CACNB2: variants seen among roughly 807,000 people sequenced by gnomAD.
CACNB2 encodes the protein voltage-dependent L-type calcium channel subunit beta-2.
A neutral mutation model predicts 73.3 loss-of-function variants in CACNB2; 42 were observed. The observed-to-expected ratio is 0.57, with a 90% confidence interval of 0.45 to 0.74. The LOEUF (loss-of-function observed/expected upper bound fraction) is 0.74, where lower values mean the gene tolerates loss of function less well. CACNB2 is among the 30% of genes least tolerant of loss of function. The probability of loss-of-function intolerance (pLI) is 0.00; values close to 1 mark genes in which losing one functional copy is unlikely to be tolerated. For missense variants in CACNB2, 940 were observed against 853.0 expected (o/e 1.10, Z -1.27); for synonymous variants, 348 against 310.3 (o/e 1.12, Z -1.28).
At chr10:18,525,595 A>G (rs572404440) in intron 9 of CACNB2, among the ~76,000 whole-genome samples, 47 of 152,090 alleles carry the variant, frequency 3.1e-4, no homozygotes, top group African/African-American at 2.7e-4. Flanking sequence ...GTGTTATGAA[A>G]TTCATAAAAA....
At chr10:18,456,165 C>A (rs1207557245) in intron 3 of CACNB2, among the ~76,000 whole-genome samples, 2 of 152,134 alleles carry the variant, frequency 1.3e-5, no homozygotes, top group Non-Finnish European at 2.9e-5. Context: ...ATGCCTCTCC[C>A]TTAAGAAACT....
At chr10:18,496,728 C>T (rs913413004) in intron 3 of CACNB2, among the ~76,000 whole-genome samples, 4 of 144,008 alleles carry the variant, frequency 2.8e-5, no homozygotes, top group South Asian at 2.2e-4. Flanking sequence ...GCAGGAGAAC[C>T]GCTTGAATGC....
chr10:18,443,217 G>T (rs377309990), intron 3 of CACNB2, among the ~76,000 whole-genome samples: 1 of 151,754 alleles, frequency 6.6e-6, no homozygotes, highest in African/African-American at 2.4e-5. Context: ...GCTGACGGGT[G>T]CTACACAGAC....
intron 2 of CACNB2, among the ~76,000 whole-genome samples, chr10:18,221,914 T>C (rs892185040): frequency 1.3e-5 from 2 of 152,204 alleles, no homozygotes; most frequent in Non-Finnish European, 2.9e-5. Context: ...ATTGGCCCAA[T>C]TGGTATTGAG....
At chr10:18,190,793 C>A (rs147486436) in intron 2 of CACNB2, among the ~76,000 whole-genome samples, 1 of 152,188 alleles carries the variant, frequency 6.6e-6, no homozygotes, top group East Asian at 1.9e-4. Flanking sequence ...TTTCAAGCAG[C>A]ATGAAGAGTT....
chr10:18,297,859 C>T lies in CACNB2; in HGVS notation c.214-104065C>T, dbSNP rs181619358. 2.9e-3 allele frequency among the ~76,000 whole-genome samples: 441 copies of T among 152,264 alleles called. 2 individuals carry two copies. Among genetic ancestry groups the T allele is most frequent in the African/African-American group, 0.01 (421 of 41,556 alleles). ...TCCACAGAAGTGCTTCACCCTGCAG[C>T]GCAAATGTGCTTCCTCCTGGGTTGG... On this transcript the variant is annotated intron_variant, in intron 2 of 13. Transcript: ENST00000324631.
intron 2 of CACNB2, among the ~76,000 whole-genome samples, chr10:18,371,997 T>C (rs2042605609): frequency 6.6e-6 from 1 of 152,364 alleles, no homozygotes; most frequent in African/African-American, 2.4e-5. Context: ...TGCATAAATG[T>C]CTTCTTTTGA....
chr10:18,224,911 T>C (rs1443703814), intron 2 of CACNB2, among the ~76,000 whole-genome samples: 4 of 152,220 alleles, frequency 2.6e-5, no homozygotes, highest in African/African-American at 9.6e-5. Flanking sequence ...GGCACATTCA[T>C]CTATACCTCA....
intron 3 of CACNB2, among the ~76,000 whole-genome samples, chr10:18,440,505 CA>C (rs1368341751): frequency 6.6e-6 from 1 of 151,842 alleles, no homozygotes; most frequent in Non-Finnish European, 1.5e-5. Flanking sequence ...CCCCTCATGG[CA>C]AAAAATCAAA....
At chr10:18,503,888 G>A (rs2050345310) in intron 5 of CACNB2, among the ~76,000 whole-genome samples, 1 of 152,094 alleles carries the variant, frequency 6.6e-6, no homozygotes, top group South Asian at 2.1e-4. Context: ...CTGGTGGAAT[G>A]GGAATTTTTT....
At chr10:18,298,418 T>G (rs988417134) in intron 2 of CACNB2, among the ~76,000 whole-genome samples, 2 of 151,116 alleles carry the variant, frequency 1.3e-5, no homozygotes, top group Non-Finnish European at 2.9e-5. Flanking sequence ...GACTAAACAA[T>G]GAAGAGAATG....
At chr10:18,511,288 T>C (rs780307347) in intron 6 of CACNB2, among the ~76,000 whole-genome samples, 1 of 152,200 alleles carries the variant, frequency 6.6e-6, no homozygotes, top group African/African-American at 2.4e-5. Context: ...TTATTTGTAA[T>C]AGTGTACAAA....
intron 1 of CACNB2, among the ~76,000 whole-genome samples, chr10:18,146,780 C>T (rs1366466747): frequency 1.3e-5 from 2 of 152,122 alleles, no homozygotes; most frequent in East Asian, 3.9e-4. Context: ...GCCACTGTGC[C>T]CAGCCTAACT....
intron 2 of CACNB2, among the ~76,000 whole-genome samples, chr10:18,379,634 A>T (rs575054785): frequency 3.9e-5 from 6 of 152,110 alleles, no homozygotes; most frequent in African/African-American, 1.2e-4. Flanking sequence ...CTCTGTGCCC[A>T]TTAAGCACTA....
intron 3 of CACNB2, among the ~76,000 whole-genome samples, chr10:18,438,570 T>C (rs1396977937): frequency 6.6e-6 from 1 of 152,186 alleles, no homozygotes; most frequent in Non-Finnish European, 1.5e-5. Context: ...GTGCCGCCAA[T>C]AGTGATTCAA....
chr10:18,240,716 CGG>C (rs2036616789), intron 2 of CACNB2, among the ~76,000 whole-genome samples: 3 of 152,140 alleles, frequency 2.0e-5, no homozygotes, highest in Non-Finnish European at 1.5e-5. Flanking sequence ...TCCTCTCCCT[CGG>C]ATGCAGAACC....
At chr10:18,490,152 C>T (rs530952944) in intron 3 of CACNB2, among the ~76,000 whole-genome samples, 18 of 152,310 alleles carry the variant, frequency 1.2e-4, no homozygotes, top group Non-Finnish European at 2.1e-4. Context: ...TCAGCCACTG[C>T]ACTCCACCAA....
At position 18,518,397 on chromosome 10, in the gene CACNB2, C is replaced by T; in HGVS notation, c.866C>T (p.Pro289Leu). The change falls in exon 8 of 14, where the codon CCT becomes CTT. Residue 289 changes from proline (P) to leucine (L), a missense_variant. Transcript: ENST00000324631. Reference sequence around the variant, plus strand: ...ATGCGACCAGTGGTCCTAGTGGGCCCTTCTCTGAAGGGCTACGAGGTGGGT... The same window carrying T: ...ATGCGACCAGTGGTCCTAGTGGGCCTTTCTCTGAAGGGCTACGAGGTGGGT... ...PSMRPVVLVG[P>L]SLKGYEVTDM... 1 of 1,612,224 alleles carries T rather than the reference C, an allele frequency of 6.2e-7. No individual in the cohort carries two copies. The highest frequency in any genetic ancestry group is 8.5e-7 in the Non-Finnish European group (1 of 1,178,332).
At chr10:18,356,976 G>A (rs377425245) in intron 2 of CACNB2, among the ~76,000 whole-genome samples, 99 of 106,734 alleles carry the variant, frequency 9.3e-4, no homozygotes, top group African/African-American at 3.3e-3. Context: ...ACGGAGTTTC[G>A]CTCTGTCGCC....
Sources: gnomAD v4.1 joint callset for allele counts (sites outside exome capture counted in the v4.1 genomes callset) on GRCh38, gnomAD v4.1.1 for gene constraint, MANE v1.5 for transcripts, NCBI Gene and HGNC (gene_info 2026-07-23, HGNC 2026-07-21) for gene names.